Variants in CHSY3 observed in about 807,000 individuals in gnomAD.
CHSY3 encodes the protein chondroitin sulfate synthase 3, also known as N-acetylgalactosaminyl-proteoglycan 3-beta-glucuronosyltransferase 3.
CHSY3 carries 35 observed loss-of-function variants against 67.2 expected under a neutral mutation model. The ratio of observed to expected loss-of-function variants is 0.52; its 90% CI spans 0.40 to 0.69. CHSY3 has a LOEUF of 0.69. CHSY3 is among the 30% of genes least tolerant of loss of function. The probability of loss-of-function intolerance (pLI) is 0.00; values close to 1 mark genes in which losing one functional copy is unlikely to be tolerated. For missense variants in CHSY3, 1,069 were observed against 1,138.5 expected, an observed-to-expected ratio of 0.94 and a Z score of 0.88; for synonymous variants, 474 against 434.7, an observed-to-expected ratio of 1.09 and a Z score of -1.12.
intron 2 of CHSY3, among the ~76,000 whole-genome samples, chr5:130,127,227 C>T (rs1299813410): frequency 6.6e-6 from 1 of 152,170 alleles, no homozygotes; most frequent in Non-Finnish European, 1.5e-5. Flanking sequence ...CTTAGCCTTT[C>T]TTTCTCAATC....
chr5:130,064,076 A>T (rs567937554), intron 2 of CHSY3, among the ~76,000 whole-genome samples: 173 of 152,212 alleles, frequency 1.1e-3, no homozygotes, highest in African/African-American at 3.9e-3. Flanking sequence ...AGACTCTAAT[A>T]AAAAAAGTAG....
chr5:130,076,370 A>G (rs1174502699), intron 2 of CHSY3, among the ~76,000 whole-genome samples: 1 of 147,772 alleles, frequency 6.8e-6, no homozygotes, highest in Non-Finnish European at 1.5e-5. Context: ...TTGCGGTCTT[A>G]TCACATTCTA....
chr5:129,959,176 A>G lies in CHSY3; in HGVS notation c.1086+50816A>G, dbSNP rs189858695. On this transcript the variant is annotated intron_variant, in intron 2 of 2. Coordinates refer to ENST00000305031, the MANE Select transcript of CHSY3 (RefSeq NM_175856.5). ...CTGCTAGACATTAATCTTGTCCTGA[A>G]TAAGATTTGAATTTTCATTTATCTT... 3.9e-5 allele frequency among the ~76,000 whole-genome samples: 6 copies of G among 152,204 alleles called. No individual in the cohort carries two copies. In the East Asian group the frequency reaches 1.2e-3, roughly 29 times the overall value.
rs143909048 is a variant in CHSY3 at position 130,131,672 on chromosome 5, G to C, written c.1087-52557G>C. Among the ~76,000 whole-genome samples the C allele has an allele frequency of 9.3e-3, 1,411 of 152,186 alleles. 27 individuals carry two copies. Among genetic ancestry groups the C allele is most frequent in the African/African-American group, 0.033 (1,350 of 41,506 alleles). On this transcript the variant is annotated intron_variant, in intron 2 of 2. Transcript: ENST00000305031. ...TAAAACCCAGGTAGTTGCTCTCAGA[G>C]CCTGTATGGTAAACTATCACAGGTT... is the stretch of plus-strand genomic sequence containing the variant.
intron 2 of CHSY3, among the ~76,000 whole-genome samples, chr5:129,950,764 A>G (rs528407763): frequency 6.6e-5 from 10 of 152,338 alleles, no homozygotes; most frequent in Admixed American, 6.5e-4. Context: ...ATTAAGACAC[A>G]AAGAAATGGA....
At chr5:130,011,164 C>CA (rs145084057) in intron 2 of CHSY3, among the ~76,000 whole-genome samples, 109 of 152,040 alleles carry the variant, frequency 7.2e-4, no homozygotes, top group African/African-American at 2.4e-3. Flanking sequence ...TTGCAGAAAC[C>CA]AAACAAAAAA....
At chr5:129,933,479 AATATT>A (rs1350336493) in intron 2 of CHSY3, among the ~76,000 whole-genome samples, 3 of 134,824 alleles carry the variant, frequency 2.2e-5, no homozygotes, top group East Asian at 4.6e-4. Context: ...TCTAAATCTG[AATATT>A]ATATTTAAAA....
At chr5:129,974,088 T>C (rs1428308812) in intron 2 of CHSY3, among the ~76,000 whole-genome samples, 1 of 152,130 alleles carries the variant, frequency 6.6e-6, no homozygotes, top group Non-Finnish European at 1.5e-5. Flanking sequence ...AATAACTGAA[T>C]ATGAAAAGTC....
chr5:130,010,568 C>T (rs1764026074), intron 2 of CHSY3, among the ~76,000 whole-genome samples: 1 of 152,024 alleles, frequency 6.6e-6, no homozygotes, highest in Non-Finnish European at 1.5e-5. Flanking sequence ...AACATCACAC[C>T]TAAAGGAATT....
intron 2 of CHSY3, among the ~76,000 whole-genome samples, chr5:130,146,294 T>G (rs1215451037): frequency 1.3e-5 from 2 of 152,192 alleles, no homozygotes; most frequent in Non-Finnish European, 2.9e-5. Context: ...ATCCTTCATT[T>G]TGCCAGGTGA....
intron 2 of CHSY3, among the ~76,000 whole-genome samples, chr5:130,030,132 T>C (rs1764664336): frequency 6.6e-6 from 1 of 152,144 alleles, no homozygotes; most frequent in Non-Finnish European, 1.5e-5. Context: ...ATGCTGTTTT[T>C]TATTATTTTG....
chr5:130,116,296 T>G (rs1437900720), intron 2 of CHSY3, among the ~76,000 whole-genome samples: 1 of 152,242 alleles, frequency 6.6e-6, no homozygotes, highest in Non-Finnish European at 1.5e-5. Flanking sequence ...GTGCTAATTG[T>G]AATGTTCACT....
At chr5:130,166,457 C>T (rs747915318) in intron 2 of CHSY3, among the ~76,000 whole-genome samples, 2 of 152,096 alleles carry the variant, frequency 1.3e-5, no homozygotes, top group Non-Finnish European at 2.9e-5. Flanking sequence ...GTAAGTTATA[C>T]TTAGTCTCCA....
At chr5:130,130,788 A>G (rs1216531361) in intron 2 of CHSY3, among the ~76,000 whole-genome samples, 3 of 152,124 alleles carry the variant, frequency 2.0e-5, no homozygotes, top group Admixed American at 2.0e-4. Context: ...AGAGGTGTTC[A>G]TCTTCTTTTA....
chr5:130,143,957 A>G (rs948022039), intron 2 of CHSY3, among the ~76,000 whole-genome samples: 76 of 150,352 alleles, frequency 5.1e-4, no homozygotes, highest in Non-Finnish European at 6.9e-4. Context: ...TATTCAGGAA[A>G]AAGTAAATAT....
intron 2 of CHSY3, among the ~76,000 whole-genome samples, chr5:129,912,511 T>C (rs928261978): frequency 1.3e-5 from 2 of 152,174 alleles, no homozygotes; most frequent in Non-Finnish European, 2.9e-5. Context: ...TGGGGAAATA[T>C]GTCTTGCTTG....
chr5:130,141,540 G>T (rs1290517728), intron 2 of CHSY3: 3 of 399,994 alleles, frequency 7.5e-6, no homozygotes, highest in East Asian at 5.9e-5. Flanking sequence ...CTAATGACAA[G>T]GGCCATTTGA....
chr5:129,999,252 CCCAA>C (rs1436271351), intron 2 of CHSY3, among the ~76,000 whole-genome samples: 3 of 151,668 alleles, frequency 2.0e-5, no homozygotes, highest in Non-Finnish European at 2.9e-5. Flanking sequence ...TACATATACA[CCCAA>C]CCTTTTGTGA....
chr5:130,099,760 T>C (rs993118081), intron 2 of CHSY3, among the ~76,000 whole-genome samples: 1 of 152,200 alleles, frequency 6.6e-6, no homozygotes, highest in African/African-American at 2.4e-5. Flanking sequence ...GGGGTCTACT[T>C]TGCACAGATT....
Sources: allele counts gnomAD v4.1 joint callset (sites outside exome capture counted in the v4.1 genomes callset), GRCh38; gene constraint gnomAD v4.1.1; transcripts MANE v1.5; gene names NCBI Gene and HGNC (gene_info 2026-07-23, HGNC 2026-07-21).